HERC1: variants seen among roughly 807,000 people sequenced by gnomAD.
HERC1 encodes HECT and RLD domain containing E3 ubiquitin protein ligase family member 1.
In HERC1, 160 loss-of-function variants were observed where a neutral mutation model predicts 554.3. The ratio of observed to expected loss-of-function variants is 0.29; its 90% CI spans 0.25 to 0.33. The LOEUF (loss-of-function observed/expected upper bound fraction) is 0.33. HERC1 is among the 10% of genes least tolerant of loss of function. HERC1 has a pLI of 1.00. For synonymous variants in HERC1, 2,175 were observed against 2,131.7 expected, an observed-to-expected ratio of 1.02 and a Z score of -0.56; for missense variants, 4,919 against 5,918.5, an observed-to-expected ratio of 0.83 and a Z score of 5.54.
chr15:63,805,472 G>T (rs1203311376), intron 1 of HERC1, among the ~76,000 whole-genome samples: 1 of 152,160 alleles, frequency 6.6e-6, no homozygotes, highest in African/African-American at 2.4e-5. Context: ...GTTGCTAATG[G>T]CTAAGGAACA....
intron 77 of HERC1, among the ~76,000 whole-genome samples, 160 bp from the exon 78 acceptor site, chr15:63,609,426 C>T (rs951286997): frequency 6.6e-6 from 1 of 152,212 alleles, no homozygotes; most frequent in African/African-American, 2.4e-5. Flanking sequence ...TGAGCTGAGG[C>T]CCTACTGCCC....
At chr15:63,787,420 G>A (rs1288884079) in intron 1 of HERC1, among the ~76,000 whole-genome samples, 1 of 152,082 alleles carries the variant, frequency 6.6e-6, no homozygotes, top group Non-Finnish European at 1.5e-5. Flanking sequence ...GCCTCCCAAA[G>A]TGCTGGAATT....
At chr15:63,702,065 C>T (rs953889362) in intron 25 of HERC1, among the ~76,000 whole-genome samples, 1 of 152,046 alleles carries the variant, frequency 6.6e-6, no homozygotes, top group African/African-American at 2.4e-5. Context: ...ATGAACATGG[C>T]AGAGCTGCAA....
chr15:63,795,019 T>C (rs970806692), intron 1 of HERC1, among the ~76,000 whole-genome samples: 8 of 144,052 alleles, frequency 5.6e-5, no homozygotes, highest in African/African-American at 1.6e-4. Flanking sequence ...TTAGCCAAGA[T>C]TGTGCCACTG....
At chr15:63,722,030 T>A (rs1448178118) in intron 19 of HERC1, among the ~76,000 whole-genome samples, 5 of 152,108 alleles carry the variant, frequency 3.3e-5, no homozygotes, top group African/African-American at 1.2e-4. Flanking sequence ...CCAGCTAATA[T>A]TTTTTTGTAT....
intron 7 of HERC1, among the ~76,000 whole-genome samples, chr15:63,754,279 A>C (rs1038217745): frequency 2.0e-5 from 3 of 152,246 alleles, no homozygotes; most frequent in Non-Finnish European, 2.9e-5. Context: ...AAACACATCT[A>C]AGTAGAAATA....
At position 63,609,073 on chromosome 15, in the gene HERC1, C is replaced by G. The variant is rs2067480494; in HGVS notation, c.*8G>C. 1 of 1,610,066 alleles carries G rather than the reference C, an allele frequency of 6.2e-7. No individual in the cohort carries two copies. The highest frequency in any genetic ancestry group is 2.2e-5 in the East Asian group (1 of 44,784). On this transcript the variant is annotated 3_prime_UTR_variant, in exon 78 of 78. Transcript: ENST00000443617. ...GGGAGAGAAGGGAGGGTGAGAGCAC[C>G]CGCACGGTCAGTAGTCAGTGTCGGA...
chr15:63,738,612 T>C (rs1259081540), intron 12 of HERC1, among the ~76,000 whole-genome samples: 1 of 152,132 alleles, frequency 6.6e-6, no homozygotes, highest in Non-Finnish European at 1.5e-5. Context: ...TGGGAAAGCA[T>C]ACAAGAAACA....
intron 39 of HERC1, 141 bp downstream of exon 39, chr15:63,672,355 G>T: frequency 1.7e-6 from 1 of 595,992 alleles, no homozygotes; most frequent in Non-Finnish European, 2.8e-6. Flanking sequence ...TCAGTAAAAT[G>T]AGCTTGACTA....
At chr15:63,641,142 A>C (rs1344667578) in intron 60 of HERC1, among the ~76,000 whole-genome samples, 1 of 152,214 alleles carries the variant, frequency 6.6e-6, no homozygotes, top group Non-Finnish European at 1.5e-5. Context: ...AAGCCATATA[A>C]AAATAGATAT....
At position 63,727,715 on chromosome 15, in the gene HERC1, T is replaced by C; in HGVS notation, c.3278A>G (p.Asp1093Gly). The change falls in exon 17 of 78, where the codon GAT becomes GGT. Residue 1093 changes from aspartate (D) to glycine (G), a missense_variant. Coordinates refer to ENST00000443617, the MANE Select transcript of HERC1 (RefSeq NM_003922.4). This position sits in a 1 kb window ranked among gnomAD's most constrained non-coding sequence, Gnocchi z 4.3. ...SYLLDLLPPL[D>G]CLNRLLPAAD... ...AGCTGGCAGGAGTCTATTAAGGCAA[T>C]CAAGAGGTGGCAACAAGTCGAGGAG... 1.2e-6 allele frequency: 2 copies of C among 1,613,794 alleles called. No homozygotes were observed. The highest frequency in any genetic ancestry group is 2.2e-5 in the East Asian group (1 of 44,870).
At chr15:63,798,573 G>A (rs1233564450) in intron 1 of HERC1, among the ~76,000 whole-genome samples, 1 of 151,304 alleles carries the variant, frequency 6.6e-6, no homozygotes, top group Non-Finnish European at 1.5e-5. Flanking sequence ...ACCTTACAGG[G>A]CTTTTCAGAA....
Position 63,648,298 on chromosome 15 carries a change from A to C in HERC1, c.10748-99T>G, listed in dbSNP as rs151135181. The C allele has an allele frequency of 8.3e-6, 10 of 1,211,900 alleles. No homozygotes were observed. The African/African-American group carries it at 1.4e-4, about 17-fold the overall frequency. 75.1% of individuals were successfully genotyped at this position (1,211,900 alleles called of 1,614,324 possible). ...TGAAACAAATAATGATAATGCAACC[A>C]TTGCAAGTAAATTTCCAAATAGCTC... On this transcript the variant is annotated intron_variant, in intron 54 of 77. Coordinates refer to ENST00000443617, the MANE Select transcript of HERC1 (RefSeq NM_003922.4).
intron 34 of HERC1, among the ~76,000 whole-genome samples, chr15:63,682,909 G>A (rs2071550273): frequency 6.6e-6 from 1 of 151,838 alleles, no homozygotes; most frequent in Non-Finnish European, 1.5e-5. Flanking sequence ...GCCGAGGCAG[G>A]CAGATCACTT....
intron 38 of HERC1, 89 bp downstream of exon 38, chr15:63,674,253 A>G (rs184807896): frequency 8.9e-7 from 1 of 1,118,214 alleles, no homozygotes. Context: ...TTTTTTTTAC[A>G]AATCACTTAC....
chr15:63,746,782 T>C, intron 12 of HERC1, 136 bp downstream of exon 12: 1 of 759,332 alleles, frequency 1.3e-6, no homozygotes, highest in Non-Finnish European at 2.1e-6. Context: ...CCAAAAATAC[T>C]CTCACCAAGA....
intron 3 of HERC1, among the ~76,000 whole-genome samples, chr15:63,762,945 C>G (rs1483346047): frequency 1.3e-5 from 2 of 152,162 alleles, no homozygotes; most frequent in Admixed American, 6.5e-5. Flanking sequence ...TCTCAAGTAG[C>G]AGAACATGTT....
At chr15:63,739,915 AT>A (rs1160140622) in intron 12 of HERC1, among the ~76,000 whole-genome samples, 26 of 147,300 alleles carry the variant, frequency 1.8e-4, no homozygotes, top group Admixed American at 2.7e-4. Flanking sequence ...AGCATATTTT[AT>A]TTTTTTTTTT....
intron 1 of HERC1, among the ~76,000 whole-genome samples, chr15:63,787,960 C>CAAAAAAAA (rs375499946): frequency 2.2e-5 from 1 of 45,656 alleles, no homozygotes; most frequent in African/African-American, 8.4e-5. Context: ...GACCCTGTCT[C>CAAAAAAAA]AAAAAAAAAA....
Sources: gnomAD v4.1 joint callset for allele counts (sites outside exome capture counted in the v4.1 genomes callset) on GRCh38, gnomAD v4.1.1 for gene constraint, Gnocchi (gnomAD v3.1) non-coding constraint, MANE v1.5 for transcripts, NCBI Gene and HGNC (gene_info 2026-07-23, HGNC 2026-07-21) for gene names.